RGPD3: variants seen among roughly 807,000 people sequenced by gnomAD.
The protein encoded by RGPD3 is RANBP2 like and GRIP domain containing 3, also known as ranBP2-like and GRIP domain-containing protein 3.
In RGPD3, 62 loss-of-function variants were observed where a neutral mutation model predicts 154.5. That is an observed-to-expected ratio of 0.40 (90% confidence interval 0.33 to 0.50). The LOEUF is 0.50. Among genes scored for constraint, RGPD3 ranks in the 20% least tolerant of loss-of-function variants. The pLI is 0.59. For synonymous variants in RGPD3, 308 were observed against 607.0 expected, an observed-to-expected ratio of 0.51 and a Z score of 7.24; for missense variants, 919 against 1,716.8, an observed-to-expected ratio of 0.54 and a Z score of 8.21.
At chr2:106,416,056 A>G in intron 20 of RGPD3, 67 bp from the exon 21 acceptor site, 2 of 1,571,788 alleles carry the variant, frequency 1.3e-6, no homozygotes, top group South Asian at 2.4e-5. Flanking sequence ...TCTAAATAAG[A>G]AAAATCTAAA....
chr2:106,413,640 G>A (rs1676738499), intron 21 of RGPD3, among the ~76,000 whole-genome samples: 1 of 152,196 alleles, frequency 6.6e-6, no homozygotes, highest in Non-Finnish European at 1.5e-5. Context: ...AAGTAGAAAG[G>A]CAACAAGCTA....
intron 7 of RGPD3, among the ~76,000 whole-genome samples, chr2:106,444,645 C>A (rs1395156276): frequency 7.2e-6 from 1 of 138,940 alleles, no homozygotes; most frequent in Admixed American, 7.3e-5. Flanking sequence ...GGAAACATAG[C>A]AAGACCTTGT....
chr2:106,457,493 A>G (rs1678268792), intron 3 of RGPD3, 74 bp downstream of exon 3: 1 of 833,664 alleles, frequency 1.2e-6, no homozygotes, highest in Non-Finnish European at 1.9e-6. Context: ...AATATATTTG[A>G]CTTACTTATA....
At chr2:106,411,966 A>C (rs1264545156) in intron 22 of RGPD3, among the ~76,000 whole-genome samples, 2 of 150,780 alleles carry the variant, frequency 1.3e-5, no homozygotes, top group Non-Finnish European at 3.0e-5. Flanking sequence ...GAGAAATCCA[A>C]TAAACATTGA....
intron 17 of RGPD3, among the ~76,000 whole-genome samples, chr2:106,431,494 T>C (rs1202671378): frequency 2.6e-5 from 4 of 152,278 alleles, no homozygotes; most frequent in Non-Finnish European, 5.9e-5. Context: ...TCAGTACTAG[T>C]ACCAAGCTTT....
rs753629876 is a variant in RGPD3 at position 106,424,754 on chromosome 2, A to T, written c.3213T>A (p.Asp1071Glu). 9 of 1,611,936 alleles carry T rather than the reference A, an allele frequency of 5.6e-6. No homozygotes were observed. The highest frequency in any genetic ancestry group is 5.5e-5 in the South Asian group (5 of 90,980). The change falls in exon 20 of 23, where the codon GAT becomes GAA. Residue 1071 changes from aspartate (D) to glutamate (E), a missense_variant. Asp to Glu is a conservative substitution (Grantham distance 45). Coordinates refer to ENST00000409886, the MANE Select transcript of RGPD3 (RefSeq NM_001144013.2). ...TTTCTTTCCACTGACTTACCTCAGC[A>T]TCAAATCTAAATAGTTTTACCCCCT... ...YSQGVKLFRF[D>E]AEVSQWKERG... is the part of the protein sequence containing the mutation.
At position 106,468,298 on chromosome 2, in the gene RGPD3, A is replaced by T. The variant is rs766522005; in HGVS notation, c.-10T>A. The T allele has an allele frequency of 9.4e-6, 15 of 1,602,796 alleles. No individual in the cohort carries two copies. In the African/African-American group the frequency reaches 1.9e-4, roughly 20 times the overall value. ...CCTTGCTGCAACTCATCGCGCCACC[A>T]ACCTGGCTCCCGAGATGCGTGAGAC... On this transcript the variant is annotated 5_prime_UTR_variant, in exon 1 of 23. Transcript: ENST00000409886.
chr2:106,421,066 G>T (rs2104453058), intron 20 of RGPD3, among the ~76,000 whole-genome samples: 1 of 152,192 alleles, frequency 6.6e-6, no homozygotes, highest in African/African-American at 2.4e-5. Context: ...CAAAAACTTA[G>T]TATCATTTCC....
At chr2:106,447,884 C>G (rs1322162300) in intron 6 of RGPD3, among the ~76,000 whole-genome samples, 1 of 151,836 alleles carries the variant, frequency 6.6e-6, no homozygotes, top group African/African-American at 2.4e-5. Context: ...AATATAAGAT[C>G]AGTGATTATA....
At position 106,466,756 on chromosome 2, in the gene RGPD3, G is replaced by T. The variant is rs1344815860; in HGVS notation, c.72+1461C>A. ...CAGAGCGCGCCAGGGAGCAGCGCCC[G>T]TCGGGAGCCATGACGCCTGAGCCAT... On this transcript the variant is annotated intron_variant, in intron 1 of 22. Coordinates refer to ENST00000409886, the MANE Select transcript of RGPD3 (RefSeq NM_001144013.2). Among the ~76,000 whole-genome samples the T allele has an allele frequency of 5.4e-4, 31 of 57,540 alleles. 1 individual carries two copies. Among genetic ancestry groups the T allele is most frequent in the African/African-American group, 1.8e-3 (28 of 15,924 alleles). 37.7% of individuals were successfully genotyped at this position (57,540 alleles called of 152,430 possible).
At chr2:106,411,811 A>G (rs1676679734) in intron 22 of RGPD3, among the ~76,000 whole-genome samples, 1 of 152,130 alleles carries the variant, frequency 6.6e-6, no homozygotes, top group African/African-American at 2.4e-5. Flanking sequence ...GAGCAACACT[A>G]CGTCTCAAAC....
At chr2:106,405,576 C>G (rs1019221470) in intron 22 of RGPD3, among the ~76,000 whole-genome samples, 12 of 152,064 alleles carry the variant, frequency 7.9e-5, no homozygotes, top group African/African-American at 2.9e-4. Context: ...GCAGGTCTCA[C>G]TGTTTTCCAG....
chr2:106,406,140 AAAAC>A (rs1476170399), intron 22 of RGPD3, among the ~76,000 whole-genome samples: 1 of 147,142 alleles, frequency 6.8e-6, no homozygotes, highest in Non-Finnish European at 1.5e-5. Context: ...AAACTGAACC[AAAAC>A]AAACAAAAAC....
intron 1 of RGPD3, among the ~76,000 whole-genome samples, chr2:106,462,542 T>G (rs1678433999): frequency 6.6e-6 from 1 of 151,536 alleles, no homozygotes; most frequent in Non-Finnish European, 1.5e-5. Flanking sequence ...TATCAAGAAC[T>G]GATGCAGGGC....
rs1325727802 is a variant in RGPD3, at chr2:106,424,220, C to T, written c.3747G>A (p.Trp1249Ter). The T allele has an allele frequency of 7.4e-6, 12 of 1,611,820 alleles. No homozygotes were observed. In the South Asian group the frequency reaches 1.3e-4, roughly 18 times the overall value. Residue 1249 changes from tryptophan (W) to a stop codon, truncating the protein, a stop_gained, in exon 20 of 23, where the codon TGG becomes TGA. Coordinates refer to ENST00000409886, the MANE Select transcript of RGPD3 (RefSeq NM_001144013.2). LOFTEE classifies it high-confidence loss of function. Reference sequence around the variant, plus strand: ...CATCTTCCCTTAAATCATAGTTATCCCATTCTAATGTGGGCCCAGTGTTTT... The same window carrying T: ...CATCTTCCCTTAAATCATAGTTATCTCATTCTAATGTGGGCCCAGTGTTTT... Reference protein sequence around the residue: ...NAENTGPTLEWDNYDLREDAL... With the variant: ...NAENTGPTLE
chr2:106,408,918 T>C (rs891799781), intron 22 of RGPD3, among the ~76,000 whole-genome samples: 31 of 151,724 alleles, frequency 2.0e-4, no homozygotes, highest in Non-Finnish European at 4.3e-4. Context: ...ACTCCTGTTC[T>C]CAAGCAATCC....
intron 22 of RGPD3, among the ~76,000 whole-genome samples, chr2:106,412,280 T>C (rs1451009507): frequency 1.1e-5 from 1 of 91,078 alleles, no homozygotes; most frequent in Non-Finnish European, 2.4e-5. Flanking sequence ...AAACCAACTC[T>C]AACTACATCA....
intron 18 of RGPD3, among the ~76,000 whole-genome samples, chr2:106,426,896 C>T (rs1190667336): frequency 1.3e-5 from 2 of 151,836 alleles, no homozygotes; most frequent in Non-Finnish European, 2.9e-5. Context: ...TAGCCAGAAG[C>T]CCAAGTTTGA....
rs1317713419 is a variant in RGPD3, at chr2:106,410,569, G to A, written c.5266+2515C>T. Among the ~76,000 whole-genome samples, 3 of 152,262 alleles carry A rather than the reference G, an allele frequency of 2.0e-5. No individual in the cohort carries two copies. In the South Asian group the frequency reaches 6.2e-4, roughly 32 times the overall value. Reference sequence around the variant, plus strand: ...CTGTTAGACATGCTGAGTATTTTGAGATAATATCATTGTTGTATTGAAAAC... The same window carrying A: ...CTGTTAGACATGCTGAGTATTTTGAAATAATATCATTGTTGTATTGAAAAC... On this transcript the variant is annotated intron_variant, in intron 22 of 22. Coordinates refer to ENST00000409886, the MANE Select transcript of RGPD3 (RefSeq NM_001144013.2).
Sources: gnomAD v4.1 joint callset for allele counts (sites outside exome capture counted in the v4.1 genomes callset) on GRCh38, gnomAD v4.1.1 for gene constraint, MANE v1.5 for transcripts, NCBI Gene and HGNC (gene_info 2026-07-23, HGNC 2026-07-21) for gene names.